CAMK2D: variants seen among roughly 807,000 people sequenced by gnomAD.
CAMK2D encodes the protein calcium/calmodulin dependent protein kinase II delta.
CAMK2D carries 37 observed loss-of-function variants against 84.0 expected under a neutral mutation model. The ratio of observed to expected loss-of-function variants is 0.44; its 90% CI spans 0.34 to 0.58. CAMK2D has a LOEUF of 0.58. CAMK2D is among the 20% of genes least tolerant of loss of function. CAMK2D has a pLI of 0.02. For synonymous variants in CAMK2D, 202 were observed against 212.5 expected, an observed-to-expected ratio of 0.95 and a Z score of 0.43; for missense variants, 448 against 652.5, an observed-to-expected ratio of 0.69 and a Z score of 3.41.
chr4:113,482,814 T>G (rs969049001), intron 16 of CAMK2D, among the ~76,000 whole-genome samples: 2 of 152,210 alleles, frequency 1.3e-5, no homozygotes, highest in Non-Finnish European at 2.9e-5. Flanking sequence ...GATACTGAAG[T>G]AGTCACATAT....
intron 7 of CAMK2D, among the ~76,000 whole-genome samples, chr4:113,532,306 TTC>T (rs2098463569): frequency 6.6e-6 from 1 of 150,766 alleles, no homozygotes; most frequent in South Asian, 2.1e-4. Flanking sequence ...ATTCTTCTTT[TTC>T]TGTTTGTTTT....
chr4:113,519,247 G>A (rs934752146), intron 8 of CAMK2D, among the ~76,000 whole-genome samples: 1 of 152,136 alleles, frequency 6.6e-6, no homozygotes, highest in Non-Finnish European at 1.5e-5. Flanking sequence ...GGCTGTTATA[G>A]AATTATGAAA....
intron 3 of CAMK2D, among the ~76,000 whole-genome samples, chr4:113,624,847 C>A (rs991707942): frequency 2.6e-5 from 4 of 152,124 alleles, no homozygotes; most frequent in African/African-American, 9.7e-5. Context: ...CACATGGTAA[C>A]CTATAATCAA....
At chr4:113,592,685 CTATAATA>C (rs1333638634) in intron 4 of CAMK2D, among the ~76,000 whole-genome samples, 2 of 151,798 alleles carry the variant, frequency 1.3e-5, no homozygotes, top group African/African-American at 2.4e-5. Context: ...TCTCGGCAAC[CTATAATA>C]TATAAGAAAC....
At chr4:113,623,474 G>A (rs959316967) in intron 3 of CAMK2D, among the ~76,000 whole-genome samples, 4 of 151,992 alleles carry the variant, frequency 2.6e-5, no homozygotes, top group Non-Finnish European at 5.9e-5. Flanking sequence ...GTGTTGTTAG[G>A]TGGTACTGTT....
In CAMK2D at chr4:113,657,871, A is replaced by C. The variant is rs117071146; in HGVS notation, c.220+3842T>G. Among the ~76,000 whole-genome samples the C allele has an allele frequency of 5.6e-3, 858 of 152,314 alleles. 40 individuals are homozygous for C. In the East Asian group the frequency reaches 0.11, roughly 19 times the overall value. ...GTTATTTCCTTCCTTAAAGTTCTAA[A>C]GCCTAGCTGATTTTAAAACCAAGGA... On this transcript the variant is annotated intron_variant, in intron 3 of 20. Transcript: ENST00000511664.
At chr4:113,627,920 T>C (rs2099074385) in intron 3 of CAMK2D, among the ~76,000 whole-genome samples, 1 of 152,148 alleles carries the variant, frequency 6.6e-6, no homozygotes. Flanking sequence ...AAATAAATTT[T>C]CCAAGAGCAG....
At chr4:113,638,310 C>G (rs1000867056) in intron 3 of CAMK2D, among the ~76,000 whole-genome samples, 2 of 151,600 alleles carry the variant, frequency 1.3e-5, no homozygotes, top group Admixed American at 1.3e-4. Flanking sequence ...AGGATAGAGA[C>G]AGAGAGAGAG....
chr4:113,493,083 T>C (rs1317857719), intron 16 of CAMK2D, among the ~76,000 whole-genome samples: 3 of 142,428 alleles, frequency 2.1e-5, no homozygotes, highest in Non-Finnish European at 4.6e-5. Context: ...TGATGGGTCT[T>C]GACTCTTTAT....
chr4:113,508,948 A>T (rs911901403), intron 13 of CAMK2D, among the ~76,000 whole-genome samples: 4 of 152,238 alleles, frequency 2.6e-5, no homozygotes, highest in Admixed American at 2.0e-4. Context: ...AAAAGATAAC[A>T]AACATCATTA....
At chr4:113,554,552 T>G (rs1232459340) in intron 4 of CAMK2D, among the ~76,000 whole-genome samples, 1 of 152,144 alleles carries the variant, frequency 6.6e-6, no homozygotes, top group African/African-American at 2.4e-5. Context: ...CGTCCCATTA[T>G]TTAAAAATAT....
intron 2 of CAMK2D, chr4:113,753,776 C>CT (rs199964259): frequency 1.4e-3 from 606 of 440,572 alleles, no homozygotes; most frequent in Admixed American, 1.8e-3. Flanking sequence ...TTTATTTAGA[C>CT]TTTTTTTTTC....
At chr4:113,692,643 TATTC>T (rs1307136843) in intron 2 of CAMK2D, among the ~76,000 whole-genome samples, 2 of 152,000 alleles carry the variant, frequency 1.3e-5, no homozygotes, top group Non-Finnish European at 2.9e-5. Context: ...CATTCATACA[TATTC>T]ATATATACAT....
intron 12 of CAMK2D, among the ~76,000 whole-genome samples, chr4:113,512,234 G>C (rs147762586): frequency 6.6e-6 from 1 of 152,274 alleles, no homozygotes; most frequent in African/African-American, 2.4e-5. Flanking sequence ...TGACTTTTGG[G>C]AACCTGGTCC....
intron 16 of CAMK2D, 93 bp from the exon 17 acceptor site, chr4:113,465,697 C>T (rs979798549): frequency 9.1e-6 from 7 of 768,628 alleles, no homozygotes; most frequent in Admixed American, 3.8e-5. Context: ...TAGGGTCTCA[C>T]TCTGTCACCC....
intron 4 of CAMK2D, among the ~76,000 whole-genome samples, chr4:113,574,176 T>C (rs2098768751): frequency 1.3e-5 from 2 of 152,314 alleles, no homozygotes; most frequent in South Asian, 4.1e-4. Context: ...AAAATACTCC[T>C]GGACCTGATC....
In CAMK2D at chr4:113,647,215, G is replaced by A. The variant is rs141321567; in HGVS notation, c.220+14498C>T. 1.1e-3 allele frequency among the ~76,000 whole-genome samples: 162 copies of A among 152,314 alleles called. 3 individuals are homozygous for A. The East Asian group carries it at 0.027, about 25-fold the overall frequency. Reference sequence around the variant, plus strand: ...GTTGCCTAATAAAATCTGTTCTGATGAATAGATTTATAAGGATTGTAATTA... The same window carrying A: ...GTTGCCTAATAAAATCTGTTCTGATAAATAGATTTATAAGGATTGTAATTA... On this transcript the variant is annotated intron_variant, in intron 3 of 20. Coordinates refer to ENST00000511664, the MANE Select transcript of CAMK2D (RefSeq NM_001321571.2).
chr4:113,716,613 T>G (rs1348238677), intron 2 of CAMK2D, among the ~76,000 whole-genome samples: 1 of 136,740 alleles, frequency 7.3e-6, no homozygotes, highest in Non-Finnish European at 1.5e-5. Flanking sequence ...ATTATGCCAC[T>G]GTACTCCAGC....
At chr4:113,732,927 A>G (rs2099572647) in intron 2 of CAMK2D, among the ~76,000 whole-genome samples, 1 of 152,202 alleles carries the variant, frequency 6.6e-6, no homozygotes, top group South Asian at 2.1e-4. Flanking sequence ...AATGAAAAAG[A>G]CTTAAGGTCA....
Sources: gnomAD v4.1 joint callset for allele counts (sites outside exome capture counted in the v4.1 genomes callset) on GRCh38, gnomAD v4.1.1 for gene constraint, MANE v1.5 for transcripts, NCBI Gene and HGNC (gene_info 2026-07-23, HGNC 2026-07-21) for gene names.